The following RYR1 variants were observed in gnomAD, a reference collection of about 807,000 sequenced individuals.
RYR1 encodes ryanodine receptor 1.
Under a neutral mutation model 583.5 loss-of-function variants are expected in RYR1, and 342 were observed. The ratio of observed to expected loss-of-function variants is 0.59; its 90% CI spans 0.54 to 0.64. The LOEUF (loss-of-function observed/expected upper bound fraction) is 0.64. RYR1 is among the 30% of genes least tolerant of loss of function. The probability of loss-of-function intolerance (pLI) is 0.00; values close to 1 mark genes in which losing one functional copy is unlikely to be tolerated. For missense variants in RYR1, 6,032 were observed against 6,917.2 expected, an observed-to-expected ratio of 0.87 and a Z score of 4.54; for synonymous variants, 2,791 against 2,822.5, an observed-to-expected ratio of 0.99 and a Z score of 0.35.
intron 11 of RYR1, among the ~76,000 whole-genome samples, chr19:38,450,191 C>T (rs1232980505): frequency 6.6e-6 from 1 of 152,052 alleles, no homozygotes; most frequent in East Asian, 1.9e-4. Flanking sequence ...AAGAGACTGC[C>T]ATGATGTTAC....
chr19:38,496,664 C>T lies in RYR1; in HGVS notation c.6796+123C>T. The T allele has an allele frequency of 7.6e-7, 1 of 1,321,416 alleles. No individual in the cohort carries two copies. Among genetic ancestry groups the T allele is most frequent in the Admixed American group, 1.8e-5 (1 of 55,350 alleles). The allele number at this position is 1,321,416 out of a possible 1,614,324, so 81.9% of individuals were successfully genotyped here. On this transcript the variant is annotated intron_variant, in intron 41 of 105. Transcript: ENST00000359596. This position sits in a 1 kb window ranked among gnomAD's most constrained non-coding sequence, Gnocchi z 4.8. ...CACTCCCTCTCAACTGTGGTTCTGG[C>T]CCTGTAATGAGTAATGCTGGGGACA...
At chr19:38,509,453 T>TTATTA (rs1970629575) in intron 58 of RYR1, among the ~76,000 whole-genome samples, 1 of 100,500 alleles carries the variant, frequency 1.0e-5, no homozygotes, top group East Asian at 2.9e-4. Context: ...TATTATTATT[T>TTATTA]TTTTTTTTTT....
At chr19:38,507,149 G>A (rs1970497026) in intron 57 of RYR1, among the ~76,000 whole-genome samples, 197 bp downstream of exon 57, 1 of 129,818 alleles carries the variant, frequency 7.7e-6, no homozygotes, top group South Asian at 2.9e-4. Flanking sequence ...CGAAATGGGC[G>A]GGGCTTAAGC....
Position 38,528,709 on chromosome 19 carries a change from C to A in RYR1, c.11034+14C>A, listed in dbSNP as rs973189933. The A allele has an allele frequency of 6.2e-7, 1 of 1,613,488 alleles. No individual in the cohort carries two copies. The highest frequency in any genetic ancestry group is 1.1e-5 in the South Asian group (1 of 91,056). On this transcript the variant is annotated intron_variant, in intron 75 of 105. Transcript: ENST00000359596. ...GATGACCTTTCAGTGAGCTGGGACC[C>A]GCCTGGGGGAGTGGGGGGCGAGCTG...
chr19:38,446,163 T>C (rs7254048), intron 7 of RYR1, among the ~76,000 whole-genome samples: 3 of 151,232 alleles, frequency 2.0e-5, no homozygotes, highest in Non-Finnish European at 4.4e-5. Flanking sequence ...ACACACACAC[T>C]CTGACCCCAA....
At chr19:38,585,888 G>A in intron 102 of RYR1, 50 bp from the exon 103 acceptor site, 1 of 1,611,112 alleles carries the variant, frequency 6.2e-7, no homozygotes, top group Non-Finnish European at 8.5e-7. Flanking sequence ...AGAGGGGGGA[G>A]TCTGAACCAG....
At chr19:38,473,914 A>G (rs142828035) in intron 28 of RYR1, 143 bp downstream of exon 28, 2 of 659,118 alleles carry the variant, frequency 3.0e-6, no homozygotes, top group Non-Finnish European at 5.1e-6. Context: ...GAGAGATTCT[A>G]TCATGTCTCC....
chr19:38,453,070 G>T, intron 13 of RYR1, 56 bp downstream of exon 13: 3 of 1,579,390 alleles, frequency 1.9e-6, no homozygotes, highest in South Asian at 2.3e-5. Context: ...CGGGACCACT[G>T]AGGGGCGGGG....
chr19:38,443,781 CAGG>C lies in RYR1; in HGVS notation c.414_416del (p.Glu138del). On this transcript the variant is annotated inframe_deletion, in exon 5 of 106. Coordinates refer to ENST00000359596, the MANE Select transcript of RYR1 (RefSeq NM_000540.3). ...CAAGCTGGCCTTCGATGTGGGACTG[CAGG>C]AGGACGCAACAGGTGCAGCAGCTGG... 6.2e-7 allele frequency: 1 copy of C among 1,614,124 alleles called. No individual in the cohort carries two copies. Among genetic ancestry groups the C allele is most frequent in the South Asian group, 1.1e-5 (1 of 91,090 alleles).
chr19:38,457,667 C>T (rs767445289), intron 17 of RYR1, 37 bp downstream of exon 17: 7 of 1,599,716 alleles, frequency 4.4e-6, no homozygotes, highest in African/African-American at 1.3e-5. Flanking sequence ...AACTCAGAAC[C>T]TCTCAACCCT....
intron 64 of RYR1, 129 bp from the exon 65 acceptor site, chr19:38,515,958 G>T: frequency 8.7e-7 from 1 of 1,145,620 alleles, no homozygotes; most frequent in Non-Finnish European, 1.2e-6. Flanking sequence ...AAAACAAGTG[G>T]CACACATGGA....
chr19:38,455,605 T>C (rs888364600), intron 15 of RYR1, 28 bp from the exon 16 acceptor site: 1 of 1,610,294 alleles, frequency 6.2e-7, no homozygotes, highest in Non-Finnish European at 8.5e-7. Context: ...CATGGCCGCT[T>C]CACCTCTCAT....
chr19:38,508,506 C>T (rs535879459), intron 58 of RYR1, among the ~76,000 whole-genome samples: 5 of 152,302 alleles, frequency 3.3e-5, no homozygotes, highest in East Asian at 3.9e-4. Context: ...CCACCGCACC[C>T]GGCTTGCCAG....
In RYR1 at chr19:38,543,758, C is replaced by T; in HGVS notation, c.11908-13C>T. On this transcript the variant is annotated splice_polypyrimidine_tract_variant and intron_variant, in intron 86 of 105. Coordinates refer to ENST00000359596, the MANE Select transcript of RYR1 (RefSeq NM_000540.3). The surrounding 1 kb of genome is among the most constrained non-coding windows in gnomAD (Gnocchi z 4.4). ...GGATTCCCTTCCCCCCCACACGGCA[C>T]TCTGCCTCCCAGGGTCCCTGCACCG... 1 of 1,612,420 alleles carries T rather than the reference C, an allele frequency of 6.2e-7. No homozygotes were observed.
At chr19:38,551,591 G>A (rs1326395730) in intron 89 of RYR1, among the ~76,000 whole-genome samples, 2 of 151,994 alleles carry the variant, frequency 1.3e-5, no homozygotes, top group Non-Finnish European at 2.9e-5. Flanking sequence ...CCTGATTCGG[G>A]GCTTGCCGGC....
chr19:38,532,403 A>C, intron 76 of RYR1, 87 bp from the exon 77 acceptor site: 1 of 1,362,306 alleles, frequency 7.3e-7, no homozygotes. Flanking sequence ...GATTACAGGC[A>C]TGAGCCACCG....
chr19:38,567,827 G>A lies in RYR1; in HGVS notation c.13569G>A (p.Lys4523=). ...EVPEPTPEPP[K]KQAPPSPPPK... ...CCGAGCCCACACCAGAGCCCCCCAA[G>A]AAGCAAGCACCTCCCTCACCCCCTC... is the stretch of plus-strand genomic sequence containing the variant. Residue 4523 remains lysine (K), a synonymous_variant, in exon 93 of 106, where the codon AAG becomes AAA. Transcript: ENST00000359596. 6.2e-7 allele frequency: 1 copy of A among 1,614,160 alleles called. No individual in the cohort carries two copies. The highest frequency in any genetic ancestry group is 8.5e-7 in the Non-Finnish European group (1 of 1,180,032).
Position 38,505,962 on chromosome 19 carries a change from G to C in RYR1, c.8541+16G>C, listed in dbSNP as rs1434193971. The C allele has an allele frequency of 6.2e-7, 1 of 1,611,764 alleles. No individual in the cohort carries two copies. Among genetic ancestry groups the C allele is most frequent in the Admixed American group, 1.7e-5 (1 of 59,990 alleles). ...AAGTGCCCAGGTGAAGGCGGGGCCT[G>C]GGTGGAGGGCAGGGGCACGATGGGG... On this transcript the variant is annotated intron_variant, in intron 54 of 105. Transcript: ENST00000359596.
At chr19:38,527,597 C>T (rs1450205281) in intron 72 of RYR1, 50 bp from the exon 73 acceptor site, 3 of 1,611,206 alleles carry the variant, frequency 1.9e-6, no homozygotes, top group Non-Finnish European at 2.5e-6. Context: ...ATCCGGCGGA[C>T]ACTGTGGGAA....
Sources: gnomAD v4.1 joint callset for allele counts (sites outside exome capture counted in the v4.1 genomes callset) on GRCh38, gnomAD v4.1.1 for gene constraint, Gnocchi (gnomAD v3.1) non-coding constraint, MANE v1.5 for transcripts, NCBI Gene and HGNC (gene_info 2026-07-23, HGNC 2026-07-21) for gene names.